Variants in RBFOX1 observed in about 807,000 individuals in gnomAD.
RBFOX1 encodes the protein RNA binding fox-1 homolog 1.
Under a neutral mutation model 57.7 loss-of-function variants are expected in RBFOX1, and 8 were observed. That is an observed-to-expected ratio of 0.14 (90% CI 0.08 to 0.25). The LOEUF is 0.25. Ranked by LOEUF, RBFOX1 falls within the 10% of genes least tolerant of loss-of-function variation. The pLI, the probability that RBFOX1 is intolerant of heterozygous loss-of-function variation, is 1.00. For synonymous variants in RBFOX1, 326 were observed against 222.4 expected, an observed-to-expected ratio of 1.47 and a Z score of -4.15; for missense variants, 611 against 548.5, an observed-to-expected ratio of 1.11 and a Z score of -1.14.
At chr16:5,648,234 C>T (rs1050211481) in intron 3 of RBFOX1, among the ~76,000 whole-genome samples, 20 of 152,160 alleles carry the variant, frequency 1.3e-4, no homozygotes, top group African/African-American at 4.8e-4. Flanking sequence ...TCAGGGAAAA[C>T]CTGCTGTGTC....
At chr16:6,753,482 A>G (rs917451770) in intron 3 of RBFOX1, among the ~76,000 whole-genome samples, 5 of 152,066 alleles carry the variant, frequency 3.3e-5, no homozygotes, top group African/African-American at 1.2e-4. Context: ...TCTTGCTATA[A>G]CCCAGTGTCC....
intron 3 of RBFOX1, among the ~76,000 whole-genome samples, chr16:5,750,432 T>C (rs2151617522): frequency 6.6e-6 from 1 of 152,350 alleles, no homozygotes; most frequent in Middle Eastern, 3.4e-3. Context: ...AGGTTTCTGC[T>C]ACCTTTTGTT....
chr16:6,319,135 G>C (rs17139855), intron 2 of RBFOX1, among the ~76,000 whole-genome samples: 3,163 of 152,186 alleles, frequency 0.021, 123 homozygotes, highest in African/African-American at 0.071. Context: ...GTCTCTTACA[G>C]GATTTTAGCA....
chr16:5,621,402 G>A (rs1057360311), intron 3 of RBFOX1, among the ~76,000 whole-genome samples: 1 of 152,164 alleles, frequency 6.6e-6, no homozygotes, highest in African/African-American at 2.4e-5. Flanking sequence ...CCCAGTGTAG[G>A]CCGTCAAAAG....
At chr16:5,435,395 G>C (rs1282470293) in intron 1 of RBFOX1, among the ~76,000 whole-genome samples, 4 of 152,216 alleles carry the variant, frequency 2.6e-5, no homozygotes, top group African/African-American at 9.7e-5. Flanking sequence ...GCTTTAGAAT[G>C]TGTAGGAGTG....
At chr16:5,853,769 T>C (rs2056956162) in intron 3 of RBFOX1, among the ~76,000 whole-genome samples, 1 of 152,102 alleles carries the variant, frequency 6.6e-6, no homozygotes, top group South Asian at 2.1e-4. Context: ...GCTTTTCTTT[T>C]CTTTGAGACA....
chr16:7,191,204 T>G (rs574298485), intron 4 of RBFOX1, among the ~76,000 whole-genome samples: 1 of 152,320 alleles, frequency 6.6e-6, no homozygotes, highest in East Asian at 1.9e-4. Flanking sequence ...TTTTTTAATA[T>G]GGAACTTTGT....
rs908845805 is a variant in RBFOX1 at position 7,623,402 on chromosome 16, C to T, written c.677-7201C>T. Among the ~76,000 whole-genome samples, 2 of 152,156 alleles carry T rather than the reference C, an allele frequency of 1.3e-5. 1 individual carries two copies. Among genetic ancestry groups the T allele is most frequent in the South Asian group, 4.1e-4 (2 of 4,832 alleles). On this transcript the variant is annotated intron_variant, in intron 10 of 15. Transcript: ENST00000550418. ...GAGCCCTGGGCTTCTTTTCTTGTAA[C>T]TAGACAGTCCTGTCTGGGAGCGATG...
At chr16:5,668,669 C>A (rs993399919) in intron 3 of RBFOX1, among the ~76,000 whole-genome samples, 2 of 152,186 alleles carry the variant, frequency 1.3e-5, no homozygotes, top group Non-Finnish European at 2.9e-5. Flanking sequence ...TTCTTCCTCT[C>A]CTTTCCCCTA....
chr16:7,449,886 CA>C (rs1166202985), intron 4 of RBFOX1, among the ~76,000 whole-genome samples: 1 of 152,016 alleles, frequency 6.6e-6, no homozygotes, highest in Non-Finnish European at 1.5e-5. Flanking sequence ...GGCTTGAAGA[CA>C]TTTGTGAAGG....
chr16:7,185,484 C>T (rs1006796840), intron 4 of RBFOX1, among the ~76,000 whole-genome samples: 2 of 152,126 alleles, frequency 1.3e-5, no homozygotes, highest in Non-Finnish European at 2.9e-5. Context: ...CTAGTGCCTC[C>T]AGTGATATTG....
chr16:6,961,766 A>G (rs550446060), intron 3 of RBFOX1, among the ~76,000 whole-genome samples: 2 of 152,280 alleles, frequency 1.3e-5, no homozygotes, highest in African/African-American at 4.8e-5. Flanking sequence ...TTAAATTGTC[A>G]TGGCACTAGT....
intron 4 of RBFOX1, among the ~76,000 whole-genome samples, chr16:7,155,764 C>CACAG (rs1220845199): frequency 1.0e-4 from 13 of 124,170 alleles, no homozygotes; most frequent in Admixed American, 7.9e-4. Flanking sequence ...CACACACACA[C>CACAG]ATATATATAC....
chr16:7,554,576 G>C (rs1329893342), intron 5 of RBFOX1, among the ~76,000 whole-genome samples: 1 of 152,116 alleles, frequency 6.6e-6, no homozygotes, highest in Non-Finnish European at 1.5e-5. Flanking sequence ...TTCAAAGTCA[G>C]CTGCTTACCT....
chr16:6,233,133 T>C (rs1598623336), intron 1 of RBFOX1, among the ~76,000 whole-genome samples: 1 of 152,012 alleles, frequency 6.6e-6, no homozygotes, highest in Non-Finnish European at 1.5e-5. Flanking sequence ...GGCTGGAAAG[T>C]GGGTATGAGC....
chr16:6,682,092 C>T (rs1412569557), intron 3 of RBFOX1, among the ~76,000 whole-genome samples: 2 of 152,300 alleles, frequency 1.3e-5, no homozygotes, highest in East Asian at 1.9e-4. Flanking sequence ...CAAAATGTCA[C>T]GATTCTTTTA....
At chr16:7,082,373 G>T (rs913607438) in intron 4 of RBFOX1, among the ~76,000 whole-genome samples, 2 of 151,972 alleles carry the variant, frequency 1.3e-5, no homozygotes, top group South Asian at 4.1e-4. Flanking sequence ...TTGAGGCCAG[G>T]AGTTTGAGAC....
At chr16:6,037,165 T>G (rs1261050498) in intron 1 of RBFOX1, 1 of 152,134 alleles carries the variant, frequency 6.6e-6, no homozygotes, top group East Asian at 1.9e-4. Context: ...TATTTAGAAA[T>G]TATCAGAAAA....
chr16:7,511,638 T>C (rs1046149471), intron 4 of RBFOX1, among the ~76,000 whole-genome samples: 1 of 152,170 alleles, frequency 6.6e-6, no homozygotes, highest in African/African-American at 2.4e-5. Context: ...TTTGCTTTTA[T>C]GAATCAGACT....
Sources: allele counts gnomAD v4.1 joint callset (sites outside exome capture counted in the v4.1 genomes callset), GRCh38; gene constraint gnomAD v4.1.1; transcripts MANE v1.5; gene names NCBI Gene and HGNC (gene_info 2026-07-23, HGNC 2026-07-21).